The following ICA1 variants were observed in gnomAD, a reference collection of about 807,000 sequenced individuals.
ICA1 encodes islet cell autoantigen 1.
Under a neutral mutation model 71.0 loss-of-function variants are expected in ICA1, and 40 were observed. The ratio of observed to expected loss-of-function variants is 0.56; its 90% CI spans 0.44 to 0.73. The LOEUF is 0.73. ICA1 is among the 30% of genes least tolerant of loss of function. The pLI, the probability that ICA1 is intolerant of heterozygous loss-of-function variation, is 0.00. For missense variants in ICA1, 578 were observed against 576.5 expected, an observed-to-expected ratio of 1.00 and a Z score of -0.03; for synonymous variants, 207 against 209.5, an observed-to-expected ratio of 0.99 and a Z score of 0.10.
intron 8 of ICA1, among the ~76,000 whole-genome samples, chr7:8,152,405 C>G (rs914134081): frequency 2.6e-5 from 4 of 151,948 alleles, no homozygotes; most frequent in Non-Finnish European, 4.4e-5. Flanking sequence ...TCCCCATTAC[C>G]AGCACTATGT....
At chr7:8,206,733 G>GAAAAAAAAAAAAA (rs60704635) in intron 6 of ICA1, among the ~76,000 whole-genome samples, 2 of 135,612 alleles carry the variant, frequency 1.5e-5, no homozygotes, top group Admixed American at 7.3e-5. Flanking sequence ...GGTTTAAAAT[G>GAAAAAAAAAAAAA]AAAAAAAAAA....
Position 8,158,613 on chromosome 7 carries a change from T to G in ICA1, c.619A>C (p.Lys207Gln), listed in dbSNP as rs761918023. ...QVRLAKKNFD[K>Q]LKMDVCQKVD... ...TTTTGACAAACATCCATCTTCAATT[T>G]GTCAAAGTTTTTTTTTGCAAGGCGC... Residue 207 changes from lysine (K) to glutamine (Q), a missense_variant, in exon 7 of 14, where the codon AAA becomes CAA. Transcript: ENST00000402384. The G allele has an allele frequency of 6.2e-7, 1 of 1,614,146 alleles. No homozygotes were observed. Among genetic ancestry groups the G allele is most frequent in the Admixed American group, 1.7e-5 (1 of 60,026 alleles).
intron 6 of ICA1, among the ~76,000 whole-genome samples, chr7:8,203,506 T>C (rs80163800): frequency 0.043 from 6,565 of 152,250 alleles, 172 homozygotes; most frequent in Middle Eastern, 0.092. Flanking sequence ...GTGTGATCTA[T>C]GGATCCCAGA....
At chr7:8,146,320 A>G (rs1796877359) in intron 8 of ICA1, among the ~76,000 whole-genome samples, 1 of 152,180 alleles carries the variant, frequency 6.6e-6, no homozygotes, top group South Asian at 2.1e-4. Flanking sequence ...CTCAGGGAGA[A>G]GAGAGTTCCG....
intron 6 of ICA1, among the ~76,000 whole-genome samples, chr7:8,211,969 G>A (rs1232649614): frequency 1.3e-5 from 2 of 152,080 alleles, no homozygotes; most frequent in East Asian, 3.8e-4. Flanking sequence ...GCTGACCTGT[G>A]GGCCATAGGT....
At chr7:8,196,383 T>C (rs1313113292) in intron 6 of ICA1, among the ~76,000 whole-genome samples, 2 of 152,214 alleles carry the variant, frequency 1.3e-5, no homozygotes, top group Admixed American at 1.3e-4. Flanking sequence ...GAAGCACAGA[T>C]GACTGCTCGG....
In ICA1 at chr7:8,173,277, A is replaced by C. The variant is rs530394037; in HGVS notation, c.580-14625T>G. The stretch of plus-strand genomic sequence containing the variant: ...GTACCAGAAAGCAAAGAAGGCTATT[A>C]CTGGGGTCAAAAGGACTCAGGAGTC... On this transcript the variant is annotated intron_variant, in intron 6 of 13. Coordinates refer to ENST00000402384, the MANE Select transcript of ICA1 (RefSeq NM_001136020.3). This position sits in a 1 kb window ranked among gnomAD's most constrained non-coding sequence, Gnocchi z 4.0. 2.0e-5 allele frequency among the ~76,000 whole-genome samples: 3 copies of C among 152,304 alleles called. No homozygotes were observed. In the South Asian group the frequency reaches 6.2e-4, roughly 32 times the overall value.
intron 13 of ICA1, chr7:8,116,669 G>A (rs988579383): frequency 5.3e-5 from 8 of 152,184 alleles, no homozygotes; most frequent in Admixed American, 4.6e-4. Context: ...CAGGTGCCTT[G>A]TTTTTCTGTC....
intron 13 of ICA1, among the ~76,000 whole-genome samples, chr7:8,122,186 C>T (rs776177777): frequency 1.3e-5 from 2 of 152,142 alleles, no homozygotes; most frequent in Non-Finnish European, 2.9e-5. Context: ...TGCACTGAAG[C>T]TTCATATGGC....
intron 6 of ICA1, among the ~76,000 whole-genome samples, chr7:8,185,825 G>GTATATTGAT (rs1281432584): frequency 1.3e-5 from 2 of 152,178 alleles, no homozygotes; most frequent in Non-Finnish European, 2.9e-5. Flanking sequence ...TATCTAAAGT[G>GTATATTGAT]TATATTGATT....
intron 6 of ICA1, among the ~76,000 whole-genome samples, chr7:8,180,195 C>A (rs1781789643): frequency 6.6e-6 from 1 of 151,980 alleles, no homozygotes. Context: ...TCAATACCTC[C>A]TCAAAAAGAT....
chr7:8,229,104 G>A (rs143023494), intron 3 of ICA1, among the ~76,000 whole-genome samples: 129 of 152,100 alleles, frequency 8.5e-4, no homozygotes, highest in Non-Finnish European at 7.5e-4. Context: ...AAAAGATGAC[G>A]TTAACTTATT....
chr7:8,229,675 A>C (rs1467559856), intron 3 of ICA1, among the ~76,000 whole-genome samples: 1 of 152,228 alleles, frequency 6.6e-6, no homozygotes, highest in Non-Finnish European at 1.5e-5. Flanking sequence ...TGACTAAATT[A>C]ATAAAAACAG....
At chr7:8,244,381 T>C (rs1355901894) in intron 1 of ICA1, among the ~76,000 whole-genome samples, 1 of 152,202 alleles carries the variant, frequency 6.6e-6, no homozygotes, top group African/African-American at 2.4e-5. Flanking sequence ...CTGGATCCCT[T>C]CCTTACACTT....
chr7:8,143,079 GGAGTA>G (rs769985868), intron 9 of ICA1, among the ~76,000 whole-genome samples: 61 of 152,212 alleles, frequency 4.0e-4, no homozygotes, highest in Non-Finnish European at 7.6e-4. Context: ...GTGTGGAAAA[GGAGTA>G]GAGAATAGAA....
intron 1 of ICA1, among the ~76,000 whole-genome samples, chr7:8,245,821 G>C (rs1481503124): frequency 6.6e-6 from 1 of 152,194 alleles, no homozygotes; most frequent in Non-Finnish European, 1.5e-5. Flanking sequence ...CACGGGGTTA[G>C]TGGATACCAT....
intron 8 of ICA1, among the ~76,000 whole-genome samples, chr7:8,145,871 G>T (rs1796713523): frequency 1.3e-5 from 2 of 151,586 alleles, no homozygotes; most frequent in Admixed American, 6.6e-5. Context: ...ATATAAAAAA[G>T]ACGTTATATA....
At chr7:8,139,268 G>T (rs1794420357) in intron 10 of ICA1, among the ~76,000 whole-genome samples, 1 of 152,190 alleles carries the variant, frequency 6.6e-6, no homozygotes, top group Non-Finnish European at 1.5e-5. Flanking sequence ...CAGATAACCT[G>T]AAAACCATAT....
chr7:8,230,459 A>T lies in ICA1; in HGVS notation c.184-1786T>A, dbSNP rs539561468. On this transcript the variant is annotated intron_variant, in intron 3 of 13. Coordinates refer to ENST00000402384, the MANE Select transcript of ICA1 (RefSeq NM_001136020.3). ...TGGATGGAATCCATCCTCTCTATAA[A>T]CATCAACATCAGTATTAACATTTCT... Among the ~76,000 whole-genome samples, 4 of 152,266 alleles carry T rather than the reference A, an allele frequency of 2.6e-5. No individual in the cohort carries two copies. The East Asian group carries it at 7.7e-4, about 29-fold the overall frequency.
Sources: allele counts gnomAD v4.1 joint callset (sites outside exome capture counted in the v4.1 genomes callset), GRCh38; gene constraint gnomAD v4.1.1; non-coding constraint Gnocchi (gnomAD v3.1); transcripts MANE v1.5; gene names NCBI Gene and HGNC (gene_info 2026-07-23, HGNC 2026-07-21).